GATB: variants seen among roughly 807,000 people sequenced by gnomAD.
The protein encoded by GATB is glutamyl-tRNA amidotransferase subunit B, also known as glutamyl-tRNA(Gln) amidotransferase subunit B, mitochondrial.
Under a neutral mutation model 62.3 loss-of-function variants are expected in GATB, and 39 were observed. The observed-to-expected ratio is 0.63, with a 90% CI of 0.48 to 0.82. The LOEUF is 0.82. Ranked by LOEUF, GATB falls within the 40% of genes least tolerant of loss-of-function variation. The pLI is 0.00. For synonymous variants in GATB, 276 were observed against 258.9 expected (o/e 1.07, Z -0.63); for missense variants, 670 against 684.0 (o/e 0.98, Z 0.23).
chr4:151,716,938 T>A lies in GATB; in HGVS notation c.578A>T (p.Asp193Val). ...GTTGTCGTGGAGGCTTTTGCCACTG[T>A]CTTGCTCCAACTGGATCTGCTTGAT... is the stretch of plus-strand genomic sequence containing the variant. ...VRIKQIQLEQ[D>V]SGKSLHDNLR... The change falls in exon 4 of 13, where the codon GAC (aspartate) becomes GTC (valine). Residue 193 changes from aspartate to valine, a missense_variant. Asp to Val is a radical substitution (Grantham distance 152). Coordinates refer to ENST00000263985, the MANE Select transcript of GATB (RefSeq NM_004564.3). The A allele has an allele frequency of 6.2e-7, 1 of 1,614,186 alleles. No individual in the cohort carries two copies.
intron 9 of GATB, among the ~76,000 whole-genome samples, chr4:151,696,032 T>C (rs1215337401): frequency 6.6e-6 from 1 of 151,380 alleles, no homozygotes; most frequent in East Asian, 1.9e-4. Context: ...CCTCTCACCT[T>C]GGCCTCCCAG....
intron 2 of GATB, chr4:151,721,968 C>T: frequency 1.8e-6 from 1 of 557,670 alleles, no homozygotes; most frequent in Non-Finnish European, 3.2e-6. Context: ...TGAGAATATG[C>T]TTTAATCTTT....
In GATB at chr4:151,670,908, T is replaced by C; in HGVS notation, c.*266A>G. The stretch of plus-strand genomic sequence containing the variant: ...AAAATTCCTTAATACAAGAAGGTGT[T>C]ACTCCTTAACCACTGCTGCAGCCTC... On this transcript the variant is annotated 3_prime_UTR_variant, in exon 13 of 13. Transcript: ENST00000263985. The C allele has an allele frequency of 2.5e-6, 1 of 397,376 alleles. No individual in the cohort carries two copies. Among genetic ancestry groups the C allele is most frequent in the Non-Finnish European group, 4.5e-6 (1 of 220,932 alleles). 24.6% of individuals were successfully genotyped at this position (397,376 alleles called of 1,614,324 possible).
At chr4:151,719,133 C>T (rs1738974941) in intron 3 of GATB, among the ~76,000 whole-genome samples, 1 of 152,226 alleles carries the variant, frequency 6.6e-6, no homozygotes, top group Non-Finnish European at 1.5e-5. Flanking sequence ...CACCAAATAC[C>T]ACGGCCAGGC....
rs902555993 is a variant in GATB at position 151,730,639 on chromosome 4, G to A, written c.328-11101C>T. On this transcript the variant is annotated intron_variant, in intron 2 of 12. Coordinates refer to ENST00000263985, the MANE Select transcript of GATB (RefSeq NM_004564.3). The surrounding 1 kb of genome is among the most constrained non-coding windows in gnomAD (Gnocchi z 4.1). ...CCCAGTGCCAGCCTGGAGCCACGAA[G>A]ACTCACTGGGTGGCTAGACCCAGAA... Among the ~76,000 whole-genome samples, 2 of 152,324 alleles carry A rather than the reference G, an allele frequency of 1.3e-5. No homozygotes were observed. The highest frequency in any genetic ancestry group is 1.3e-4 in the Admixed American group (2 of 15,308).
At chr4:151,698,656 CA>C (rs1162693009) in intron 9 of GATB, among the ~76,000 whole-genome samples, 14 of 152,312 alleles carry the variant, frequency 9.2e-5, no homozygotes, top group African/African-American at 3.4e-4. Flanking sequence ...ATTACAAAGT[CA>C]TAAAGGGCTC....
intron 12 of GATB, 89 bp from the exon 13 acceptor site, chr4:151,671,391 A>C (rs1737856557): frequency 7.6e-7 from 1 of 1,316,450 alleles, no homozygotes; most frequent in South Asian, 1.2e-5. Context: ...TTTACTGAAA[A>C]TTAAATTCCG....
chr4:151,731,979 C>T lies in GATB; in HGVS notation c.328-12441G>A, dbSNP rs1355087204. On this transcript the variant is annotated intron_variant, in intron 2 of 12. Transcript: ENST00000263985. ...GGGAAGTGGGGGGTCAGCCCCTGCC[C>T]GGCCAGCCGCCCCGTCCGGGAGGGA... is the stretch of plus-strand genomic sequence containing the variant. Among the ~76,000 whole-genome samples, 238 of 104,254 alleles carry T rather than the reference C, an allele frequency of 2.3e-3. 12 individuals carry two copies. The South Asian group carries it at 0.035, about 15-fold the overall frequency. The allele number at this position is 104,254 out of a possible 152,430, so 68.4% of individuals were successfully genotyped here. A position where few individuals can be genotyped will look rare whatever the true frequency, so the allele number is the denominator to read the frequency against.
intron 2 of GATB, among the ~76,000 whole-genome samples, chr4:151,741,721 A>G (rs1037415369): frequency 6.6e-6 from 1 of 152,156 alleles, no homozygotes; most frequent in Admixed American, 6.5e-5. Flanking sequence ...AGGAAAGCGA[A>G]CTCTCAATTT....
rs191238514 is a variant in GATB at position 151,730,831 on chromosome 4, G to A, written c.328-11293C>T. 5.9e-5 allele frequency among the ~76,000 whole-genome samples: 9 copies of A among 152,230 alleles called. No individual in the cohort carries two copies. Among genetic ancestry groups the A allele is most frequent in the Non-Finnish European group, 1.2e-4 (8 of 68,020 alleles). On this transcript the variant is annotated intron_variant, in intron 2 of 12. Transcript: ENST00000263985. The surrounding 1 kb of genome is among the most constrained non-coding windows in gnomAD (Gnocchi z 4.1). The stretch of plus-strand genomic sequence containing the variant: ...AGAGCCTACCCAAATGAGAAGGAAC[G>A]AGAAAACCAACGCTGGTAATATGAC...
chr4:151,694,097 T>C (rs1408607369), intron 9 of GATB, among the ~76,000 whole-genome samples: 2 of 152,170 alleles, frequency 1.3e-5, no homozygotes, highest in African/African-American at 2.4e-5. Flanking sequence ...CGTCCCCACA[T>C]GGAAGGAACC....
At chr4:151,693,893 T>C (rs1738418137) in intron 9 of GATB, among the ~76,000 whole-genome samples, 2 of 152,194 alleles carry the variant, frequency 1.3e-5, no homozygotes, top group African/African-American at 4.8e-5. Context: ...GGGGAGATGC[T>C]GAAGGAAACC....
At chr4:151,753,145 A>G (rs1739751717) in intron 2 of GATB, among the ~76,000 whole-genome samples, 1 of 152,128 alleles carries the variant, frequency 6.6e-6, no homozygotes, top group African/African-American at 2.4e-5. Flanking sequence ...GCTGTCTGAT[A>G]CCGCCTTTTG....
Position 151,679,815 on chromosome 4 carries a change from G to C in GATB, c.1408C>G (p.Gln470Glu). ...SRTISSSAAK[Q>E]VFEELWKREG... ...AGCTGTCGGGAGTGTGGACATACCT[G>C]TTTAGCTGCTGATGAAGAAATTGTT... is the stretch of plus-strand genomic sequence containing the variant. Residue 470 changes from glutamine (Q) to glutamate (E), a missense_variant and splice_region_variant, in exon 11 of 13, where the codon CAG (glutamine) becomes GAG (glutamate). Coordinates refer to ENST00000263985, the MANE Select transcript of GATB (RefSeq NM_004564.3). The C allele has an allele frequency of 6.2e-7, 1 of 1,613,686 alleles. No homozygotes were observed. The highest frequency in any genetic ancestry group is 8.5e-7 in the Non-Finnish European group (1 of 1,179,592).
intron 2 of GATB, among the ~76,000 whole-genome samples, chr4:151,739,012 C>T (rs1384586288): frequency 6.6e-6 from 1 of 152,182 alleles, no homozygotes; most frequent in Non-Finnish European, 1.5e-5. Context: ...TATGAGTTGG[C>T]AAATATCACT....
intron 10 of GATB, among the ~76,000 whole-genome samples, chr4:151,683,343 C>T (rs1240783541): frequency 2.6e-5 from 4 of 152,180 alleles, no homozygotes; most frequent in Non-Finnish European, 5.9e-5. Flanking sequence ...CTCCCCATCC[C>T]GCTGCACCCT....
intron 2 of GATB, among the ~76,000 whole-genome samples, chr4:151,748,245 A>G (rs1357259650): frequency 6.6e-6 from 1 of 152,206 alleles, no homozygotes; most frequent in Non-Finnish European, 1.5e-5. Context: ...GAGGCATCAC[A>G]CTACCTGACT....
chr4:151,694,109 G>C (rs551285026), intron 9 of GATB, among the ~76,000 whole-genome samples: 1 of 152,214 alleles, frequency 6.6e-6, no homozygotes, highest in Non-Finnish European at 1.5e-5. Context: ...GAAGGAACCT[G>C]AGTTGCTCAA....
chr4:151,748,143 C>T (rs911152832), intron 2 of GATB, among the ~76,000 whole-genome samples: 11 of 152,180 alleles, frequency 7.2e-5, no homozygotes, highest in African/African-American at 2.4e-4. Flanking sequence ...TGACTTTCTT[C>T]ATAGAACTGG....
Sources: gnomAD v4.1 joint callset for allele counts (sites outside exome capture counted in the v4.1 genomes callset) on GRCh38, gnomAD v4.1.1 for gene constraint, Gnocchi (gnomAD v3.1) non-coding constraint, MANE v1.5 for transcripts, NCBI Gene and HGNC (gene_info 2026-07-23, HGNC 2026-07-21) for gene names.